The following RGS6 variants were observed in gnomAD, a reference collection of about 807,000 sequenced individuals.
RGS6 encodes regulator of G protein signaling 6, also known as regulator of G-protein signaling 6.
In RGS6, 30 loss-of-function variants were observed where a neutral mutation model predicts 78.5. The ratio of observed to expected loss-of-function variants is 0.38; its 90% CI spans 0.29 to 0.52. The LOEUF (loss-of-function observed/expected upper bound fraction) is 0.52. RGS6 is among the 20% of genes least tolerant of loss of function. RGS6 has a pLI of 0.85. For synonymous variants in RGS6, 206 were observed against 206.0 expected (o/e 1.00, Z 0.00); for missense variants, 495 against 609.7 (o/e 0.81, Z 1.98).
chr14:72,405,495 A>G (rs2092836314), intron 3 of RGS6, among the ~76,000 whole-genome samples: 1 of 152,244 alleles, frequency 6.6e-6, no homozygotes, highest in South Asian at 2.1e-4. Context: ...TCCACCCATA[A>G]CAGTGTCACC....
chr14:72,402,900 G>T (rs1279362100), intron 3 of RGS6, among the ~76,000 whole-genome samples: 1 of 140,898 alleles, frequency 7.1e-6, no homozygotes, highest in Non-Finnish European at 1.5e-5. Flanking sequence ...GGGTTCAAGT[G>T]ATTCTCCTGC....
At chr14:72,548,036 C>G (rs2097434500) in intron 17 of RGS6, among the ~76,000 whole-genome samples, 1 of 152,138 alleles carries the variant, frequency 6.6e-6, no homozygotes, top group Admixed American at 6.5e-5. Context: ...CTGTTTGCCC[C>G]TTTGTAGGTG....
intron 2 of RGS6, among the ~76,000 whole-genome samples, chr14:72,011,582 T>TA (rs57661696): frequency 1.9e-4 from 28 of 151,012 alleles, no homozygotes; most frequent in East Asian, 5.8e-4. Context: ...CTCAAAAATA[T>TA]AAAAAAAAAA....
chr14:72,583,716 G>A, the RGS6 span, among the ~76,000 whole-genome samples: 64 of 152,252 alleles, frequency 4.2e-4, no homozygotes, highest in East Asian at 8.9e-3. Context: ...CAGGCCTCAC[G>A]GGGTCTCTTT....
chr14:72,060,168 GGTGATTTA>G (rs1312022199), intron 2 of RGS6, among the ~76,000 whole-genome samples: 1 of 151,988 alleles, frequency 6.6e-6, no homozygotes, highest in Admixed American at 6.6e-5. Context: ...TTAGGTCTTT[GGTGATTTA>G]AAATCTCATA....
At chr14:72,130,162 G>T (rs751554519) in intron 2 of RGS6, among the ~76,000 whole-genome samples, 2 of 152,166 alleles carry the variant, frequency 1.3e-5, no homozygotes, top group Non-Finnish European at 1.5e-5. Flanking sequence ...TATTATAAAT[G>T]ATACAATTGA....
intron 15 of RGS6, among the ~76,000 whole-genome samples, chr14:72,518,814 G>A (rs2096988659): frequency 6.6e-6 from 1 of 152,186 alleles, no homozygotes; most frequent in Non-Finnish European, 1.5e-5. Flanking sequence ...CTGAAGGCTT[G>A]TAATAAGTCA....
chr14:72,138,351 G>A (rs1288976448), intron 2 of RGS6, among the ~76,000 whole-genome samples: 5 of 151,856 alleles, frequency 3.3e-5, no homozygotes, highest in Non-Finnish European at 4.4e-5. Context: ...GCGCATTGAG[G>A]GGGAGGGTTA....
At chr14:72,440,766 ACT>A in intron 3 of RGS6, among the ~76,000 whole-genome samples, 1 of 151,328 alleles carries the variant, frequency 6.6e-6, no homozygotes, top group African/African-American at 2.4e-5. Context: ...ATTTCCTAAA[ACT>A]CTGTTCTTAA....
the RGS6 span, among the ~76,000 whole-genome samples, chr14:71,891,846 C>T: frequency 6.6e-6 from 1 of 152,032 alleles, no homozygotes; most frequent in East Asian, 1.9e-4. Flanking sequence ...GTATTTTTCC[C>T]CCTTTTCTTT....
intron 2 of RGS6, among the ~76,000 whole-genome samples, chr14:72,321,957 T>C (rs896905626): frequency 2.0e-5 from 3 of 152,010 alleles, no homozygotes; most frequent in Admixed American, 6.5e-5. Flanking sequence ...CACACTGATA[T>C]TGTCCTCTAA....
At chr14:72,596,928 G>T in the RGS6 span, among the ~76,000 whole-genome samples, 2 of 152,140 alleles carry the variant, frequency 1.3e-5, no homozygotes, top group Admixed American at 6.5e-5. Context: ...AAAACGGGTA[G>T]AATAATGAAA....
At chr14:72,024,504 T>G (rs1158441143) in intron 2 of RGS6, among the ~76,000 whole-genome samples, 1 of 152,196 alleles carries the variant, frequency 6.6e-6, no homozygotes, top group Admixed American at 6.5e-5. Flanking sequence ...CTTCCATATT[T>G]TCTCAGAAAT....
chr14:72,337,919 CAGAT>C (rs1186699083), intron 2 of RGS6, among the ~76,000 whole-genome samples: 5 of 152,198 alleles, frequency 3.3e-5, no homozygotes, highest in Non-Finnish European at 5.9e-5. Context: ...AGAATTAAAT[CAGAT>C]AGATACATGC....
Position 72,343,773 on chromosome 14 carries a change from T to C in RGS6, c.85-8322T>C, listed in dbSNP as rs1239597857. ...ATCTCATTTATCCAGCAGTCTCACT[T>C]GGCCTTGAACAATTTACCGTTCCCA... On this transcript the variant is annotated intron_variant, in intron 2 of 17. Transcript: ENST00000553525. Among the ~76,000 whole-genome samples, 6 of 152,224 alleles carry C rather than the reference T, an allele frequency of 3.9e-5. 1 individual carries two copies. The East Asian group carries it at 1.2e-3, about 29-fold the overall frequency.
intron 3 of RGS6, among the ~76,000 whole-genome samples, chr14:72,428,186 A>G (rs1416744496): frequency 6.6e-6 from 1 of 152,228 alleles, no homozygotes; most frequent in Non-Finnish European, 1.5e-5. Context: ...TCAAAGCAAT[A>G]TAGAGATGAG....
the RGS6 span, among the ~76,000 whole-genome samples, chr14:71,877,468 C>T: frequency 2.0e-5 from 3 of 152,180 alleles, no homozygotes; most frequent in Non-Finnish European, 2.9e-5. Flanking sequence ...TTGATTGAAT[C>T]GACTACTGAA....
intron 3 of RGS6, among the ~76,000 whole-genome samples, chr14:72,397,004 C>T (rs1472780920): frequency 6.6e-6 from 1 of 152,166 alleles, no homozygotes; most frequent in Non-Finnish European, 1.5e-5. Context: ...GTTCTTTTGG[C>T]TTAGGATTGA....
chr14:72,230,795 G>A (rs1206150460), intron 2 of RGS6, among the ~76,000 whole-genome samples: 1 of 152,094 alleles, frequency 6.6e-6, no homozygotes, highest in Admixed American at 6.6e-5. Context: ...ATGATCAAGG[G>A]TTATCTCCTT....
Sources: gnomAD v4.1 joint callset for allele counts (sites outside exome capture counted in the v4.1 genomes callset) on GRCh38, gnomAD v4.1.1 for gene constraint, MANE v1.5 for transcripts, NCBI Gene and HGNC (gene_info 2026-07-23, HGNC 2026-07-21) for gene names.